SMAD3: variants seen among roughly 807,000 people sequenced by gnomAD.
The protein encoded by SMAD3 is MAD homolog 3.
In SMAD3, 12 loss-of-function variants were observed where a neutral mutation model predicts 51.8. The ratio of observed to expected loss-of-function variants is 0.23; its 90% confidence interval spans 0.15 to 0.38. SMAD3 has a LOEUF of 0.38. Among genes scored for constraint, SMAD3 ranks in the 10% least tolerant of loss-of-function variants. The probability of loss-of-function intolerance (pLI) is 1.00; values close to 1 mark genes in which losing one functional copy is unlikely to be tolerated. For missense variants in SMAD3, 294 were observed against 565.6 expected, an observed-to-expected ratio of 0.52 and a Z score of 4.87; for synonymous variants, 238 against 227.7, an observed-to-expected ratio of 1.05 and a Z score of -0.41.
At chr15:67,083,221 G>A (rs181627143) in intron 1 of SMAD3, among the ~76,000 whole-genome samples, 4 of 152,250 alleles carry the variant, frequency 2.6e-5, no homozygotes, top group African/African-American at 9.6e-5. Context: ...CACTCATAGA[G>A]CGTCAGCCTG....
At chr15:67,135,999 G>A (rs182845781) in intron 1 of SMAD3, among the ~76,000 whole-genome samples, 9 of 152,006 alleles carry the variant, frequency 5.9e-5, no homozygotes, top group African/African-American at 1.9e-4. Context: ...TTTTAAATTG[G>A]TGTGTGTCCT....
chr15:67,166,753 C>T (rs1208167046), intron 3 of SMAD3, 26 bp from the exon 4 acceptor site: 4 of 1,550,650 alleles, frequency 2.6e-6, no homozygotes, highest in South Asian at 1.2e-5. Context: ...GGCCTTTTAA[C>T]AGACCACCTT....
At chr15:67,176,258 C>T (rs979205711) in intron 5 of SMAD3, among the ~76,000 whole-genome samples, 2 of 152,076 alleles carry the variant, frequency 1.3e-5, no homozygotes, top group Admixed American at 6.5e-5. Context: ...GTTTCACAGC[C>T]GTGTGAGCTG....
chr15:67,170,089 G>A (rs1291175032), intron 4 of SMAD3, among the ~76,000 whole-genome samples: 1 of 152,186 alleles, frequency 6.6e-6, no homozygotes, highest in Non-Finnish European at 1.5e-5. Context: ...ATGCTGGGGA[G>A]GCCTCAAGCC....
intron 5 of SMAD3, among the ~76,000 whole-genome samples, chr15:67,176,765 C>T (rs985747170): frequency 4.6e-5 from 7 of 152,166 alleles, no homozygotes; most frequent in African/African-American, 7.2e-5. Flanking sequence ...GAAGTCTGGC[C>T]GACACCACAC....
chr15:67,145,889 A>G (rs146102715), intron 1 of SMAD3, among the ~76,000 whole-genome samples: 1 of 152,320 alleles, frequency 6.6e-6, no homozygotes, highest in African/African-American at 2.4e-5. Context: ...CACAGTGGGA[A>G]GAAGCTGGGC....
chr15:67,078,474 C>T (rs1960216811), intron 1 of SMAD3, among the ~76,000 whole-genome samples: 1 of 152,176 alleles, frequency 6.6e-6, no homozygotes, highest in Non-Finnish European at 1.5e-5. Context: ...AGACCCATAG[C>T]AGGATGTATG....
chr15:67,078,107 G>A (rs12901499), intron 1 of SMAD3: 69,060 of 152,116 alleles, frequency 0.45, 15,936 homozygotes, highest in South Asian at 0.65. Flanking sequence ...GCAGGTTGAA[G>A]ATAGTGTTTT....
chr15:67,116,215 C>G (rs965427396), intron 1 of SMAD3, among the ~76,000 whole-genome samples: 1 of 152,220 alleles, frequency 6.6e-6, no homozygotes, highest in Non-Finnish European at 1.5e-5. Flanking sequence ...GATAAACCAG[C>G]GCACTGTGGT....
chr15:67,066,598 T>G (rs958905590), intron 1 of SMAD3, among the ~76,000 whole-genome samples: 2 of 152,220 alleles, frequency 1.3e-5, no homozygotes, highest in African/African-American at 4.8e-5. Flanking sequence ...GCACTCTGGC[T>G]TCCACACCTC....
chr15:67,134,347 A>C (rs1961600469), intron 1 of SMAD3, among the ~76,000 whole-genome samples: 1 of 152,170 alleles, frequency 6.6e-6, no homozygotes, highest in South Asian at 2.1e-4. Context: ...AGCTCAGATG[A>C]ACGGGGCCTT....
At chr15:67,169,903 T>C (rs1470370488) in intron 4 of SMAD3, among the ~76,000 whole-genome samples, 1 of 152,262 alleles carries the variant, frequency 6.6e-6, no homozygotes, top group Non-Finnish European at 1.5e-5. Flanking sequence ...GAGAACATAA[T>C]AGAGTAAGAA....
chr15:67,074,739 G>T (rs1004673729), intron 1 of SMAD3, among the ~76,000 whole-genome samples: 8 of 152,076 alleles, frequency 5.3e-5, no homozygotes, highest in African/African-American at 1.9e-4. Flanking sequence ...GCCCAGGCTG[G>T]AGTGCAGTGG....
intron 1 of SMAD3, among the ~76,000 whole-genome samples, chr15:67,126,606 G>T (rs1010135359): frequency 2.6e-5 from 4 of 152,094 alleles, no homozygotes; most frequent in Non-Finnish European, 5.9e-5. Context: ...TGCGTTTAAG[G>T]CCCATCTTCA....
chr15:67,184,980 A>G lies in SMAD3; in HGVS notation c.1009+116A>G, dbSNP rs766632092. 27 of 1,339,208 alleles carry G rather than the reference A, an allele frequency of 2.0e-5. 1 individual carries two copies. The Middle Eastern group carries it at 1.5e-3, about 75-fold the overall frequency. The allele number at this position is 1,339,208 out of a possible 1,614,324, so 83.0% of individuals were successfully genotyped here. ...CTGCTCACTCATGATTGCGTTGTCA[A>G]TCTGGAGGTGATTGGATTAGGTTTT... On this transcript the variant is annotated intron_variant, in intron 7 of 8. Coordinates refer to ENST00000327367, the MANE Select transcript of SMAD3 (RefSeq NM_005902.4).
intron 1 of SMAD3, chr15:67,125,961 C>T (rs2140247644): frequency 3.0e-6 from 3 of 985,498 alleles, no homozygotes; most frequent in South Asian, 9.4e-5. Context: ...CACACTCGGG[C>T]CTGTGTTGAG....
chr15:67,099,814 T>C (rs1245880079), intron 1 of SMAD3, among the ~76,000 whole-genome samples: 1 of 152,192 alleles, frequency 6.6e-6, no homozygotes, highest in African/African-American at 2.4e-5. Context: ...AGTACTACAG[T>C]CTGTGAATGA....
At chr15:67,119,333 G>A (rs1961206128) in intron 1 of SMAD3, among the ~76,000 whole-genome samples, 1 of 152,210 alleles carries the variant, frequency 6.6e-6, no homozygotes, top group Admixed American at 6.5e-5. Context: ...AGCAAGGGCA[G>A]TCATGATGGA....
chr15:67,076,723 T>C (rs140777583), intron 1 of SMAD3, among the ~76,000 whole-genome samples: 1 of 152,362 alleles, frequency 6.6e-6, no homozygotes, highest in Non-Finnish European at 1.5e-5. Flanking sequence ...GAGCAAGCAC[T>C]TCCTTTTTCC....
Sources: allele counts gnomAD v4.1 joint callset (sites outside exome capture counted in the v4.1 genomes callset), GRCh38; gene constraint gnomAD v4.1.1; transcripts MANE v1.5; gene names NCBI Gene and HGNC (gene_info 2026-07-23, HGNC 2026-07-21).